Variants in DNAH6 observed in about 807,000 individuals in gnomAD.
DNAH6 encodes the protein axonemal beta dynein heavy chain 6.
In DNAH6, 340 loss-of-function variants were observed where a neutral mutation model predicts 491.4. That is an observed-to-expected ratio of 0.69 (90% CI 0.63 to 0.76). DNAH6 has a LOEUF of 0.76. Ranked by LOEUF, DNAH6 falls within the 30% of genes least tolerant of loss-of-function variation. The probability of loss-of-function intolerance (pLI) is 0.00; values close to 1 mark genes in which losing one functional copy is unlikely to be tolerated. For synonymous variants in DNAH6, 1,603 were observed against 1,686.1 expected, an observed-to-expected ratio of 0.95 and a Z score of 1.21; for missense variants, 4,443 against 4,972.2, an observed-to-expected ratio of 0.89 and a Z score of 3.20.
At chr2:84,580,261 T>C (rs10496314) in intron 14 of DNAH6, among the ~76,000 whole-genome samples, 3,795 of 151,946 alleles carry the variant, frequency 0.025, 56 homozygotes, top group Middle Eastern at 0.1. Flanking sequence ...GGGACTCAAA[T>C]GATGCAGATG....
intron 4 of DNAH6, among the ~76,000 whole-genome samples, chr2:84,533,889 C>T (rs1677420554): frequency 6.6e-6 from 1 of 152,086 alleles, no homozygotes; most frequent in Non-Finnish European, 1.5e-5. Flanking sequence ...GTTCTAGTTA[C>T]ATGGTCTCAT....
At chr2:84,742,088 CTG>C (rs1672578133) in intron 62 of DNAH6, among the ~76,000 whole-genome samples, 1 of 152,216 alleles carries the variant, frequency 6.6e-6, no homozygotes, top group South Asian at 2.1e-4. Context: ...CCTGTTTGAA[CTG>C]TGAGTATCTG....
intron 18 of DNAH6, among the ~76,000 whole-genome samples, chr2:84,603,437 T>C (rs1685457136): frequency 6.6e-6 from 1 of 152,104 alleles, no homozygotes; most frequent in African/African-American, 2.4e-5. Flanking sequence ...TGACCTTGGG[T>C]CTTCCCTTTG....
At chr2:84,761,789 T>TACACAC (rs35707461) in intron 63 of DNAH6, among the ~76,000 whole-genome samples, 11,405 of 141,784 alleles carry the variant, frequency 0.08, 485 homozygotes, top group Middle Eastern at 0.13. Flanking sequence ...CACACACACA[T>TACACAC]ACACACACAC....
chr2:84,603,283 A>C (rs1396053300), intron 18 of DNAH6, among the ~76,000 whole-genome samples: 1 of 152,028 alleles, frequency 6.6e-6, no homozygotes, highest in Non-Finnish European at 1.5e-5. Context: ...CATTAAATCT[A>C]ATTAGGAATT....
At position 84,781,651 on chromosome 2, in the gene DNAH6, C is replaced by T. The variant is rs1676715421; in HGVS notation, c.10862C>T (p.Pro3621Leu). Residue 3621 changes from proline (P) to leucine (L), a missense_variant and splice_region_variant, in exon 65 of 77, where the codon CCA (proline) becomes CTA (leucine). Pro to Leu is a moderately conservative substitution (Grantham distance 98). This residue lies in a region of DNAH6 where 1,463 missense variants were observed against 1,656.6 expected (regional missense o/e 0.88). Coordinates refer to ENST00000389394, the MANE Select transcript of DNAH6 (RefSeq NM_001370.2). The part of the protein sequence containing the change: ...MEELIKTFTD[P>L]DSAIKDTFRL... ...GAGCTCATTAAAACCTTCACAGATC[C>T]AGGTATGTTGAGCATATAGCCCTTG... 3.9e-6 allele frequency: 6 copies of T among 1,551,316 alleles called. No homozygotes were observed. The East Asian group carries it at 1.5e-4, about 38-fold the overall frequency.
chr2:84,571,787 C>G (rs997301528), intron 11 of DNAH6, among the ~76,000 whole-genome samples: 1 of 150,752 alleles, frequency 6.6e-6, no homozygotes, highest in Non-Finnish European at 1.5e-5. Context: ...AGCGTGGTGG[C>G]GGGCGCCTGT....
At chr2:84,704,381 T>C in intron 51 of DNAH6, 79 bp downstream of exon 51, 1 of 1,040,504 alleles carries the variant, frequency 9.6e-7, no homozygotes. Flanking sequence ...AATGTATATA[T>C]TCATTCCCTT....
At chr2:84,748,063 C>T (rs1673132952) in intron 63 of DNAH6, among the ~76,000 whole-genome samples, 2 of 152,188 alleles carry the variant, frequency 1.3e-5, no homozygotes, top group Admixed American at 1.3e-4. Flanking sequence ...TCTGGACCTG[C>T]AATGGAAGGG....
chr2:84,744,934 G>C, intron 62 of DNAH6, 146 bp from the exon 63 acceptor site: 1 of 448,732 alleles, frequency 2.2e-6, no homozygotes, highest in East Asian at 3.6e-5. Context: ...ATTAGGTTGG[G>C]TAGCAGGGGA....
intron 30 of DNAH6, among the ~76,000 whole-genome samples, chr2:84,636,887 C>T (rs1162112128): frequency 1.4e-5 from 2 of 145,924 alleles, no homozygotes; most frequent in Admixed American, 6.7e-5. Context: ...AAAGCAAGAC[C>T]CTGTCTCAAA....
chr2:84,620,690 C>A (rs1186101956), intron 24 of DNAH6, among the ~76,000 whole-genome samples: 1 of 152,126 alleles, frequency 6.6e-6, no homozygotes, highest in Non-Finnish European at 1.5e-5. Flanking sequence ...TTGCTCATCA[C>A]TGGTGCAGAA....
intron 62 of DNAH6, among the ~76,000 whole-genome samples, chr2:84,742,166 C>T (rs188305811): frequency 7.2e-5 from 11 of 152,280 alleles, no homozygotes; most frequent in Admixed American, 1.3e-4. Context: ...GCCATCCTGA[C>T]CTAAAACCTC....
chr2:84,781,501 C>T lies in DNAH6; in HGVS notation c.10712C>T (p.Ser3571Leu). Reference protein sequence around the residue: ...RESGYSERVQSISLGQGQGPI... With the variant: ...RESGYSERVQLISLGQGQGPI... Reference sequence around the variant, plus strand: ...CTTGCTGTTCAATTCAGGGTGCAGTCAATTTCACTGGGGCAAGGACAAGGA... The same window carrying T: ...CTTGCTGTTCAATTCAGGGTGCAGTTAATTTCACTGGGGCAAGGACAAGGA... The change falls in exon 65 of 77, where the codon TCA (serine) becomes TTA (leucine). Residue 3571 changes from serine (S) to leucine (L), a missense_variant. Ser to Leu is a moderately radical substitution (Grantham distance 145). Transcript: ENST00000389394. The T allele has an allele frequency of 6.5e-7, 1 of 1,549,058 alleles. No individual in the cohort carries two copies. The highest frequency in any genetic ancestry group is 1.4e-5 in the African/African-American group (1 of 73,078).
the DNAH6 span, among the ~76,000 whole-genome samples, chr2:84,511,125 G>A: frequency 2.0e-5 from 3 of 152,220 alleles, no homozygotes; most frequent in East Asian, 5.8e-4. Context: ...ATTTAAGTCT[G>A]CAGAGGATTC....
intron 31 of DNAH6, 81 bp downstream of exon 31, chr2:84,637,458 T>G: frequency 7.2e-7 from 1 of 1,395,456 alleles, no homozygotes; most frequent in Non-Finnish European, 9.5e-7. Context: ...GTAGAAAGTT[T>G]CCTTTATGAA....
Position 84,702,703 on chromosome 2 carries a change from C to T in DNAH6, c.8062-692C>T, listed in dbSNP as rs112997623. Among the ~76,000 whole-genome samples, 783 of 151,980 alleles carry T rather than the reference C, an allele frequency of 5.2e-3. 6 individuals are homozygous for T. The highest frequency in any genetic ancestry group is 0.016 in the African/African-American group (663 of 41,452). The stretch of plus-strand genomic sequence containing the variant: ...GACTATAGTCAACCGCCACCACGCC[C>T]GACTAATTTTTTGTATTTTTAGTAG... On this transcript the variant is annotated intron_variant, in intron 49 of 76. Coordinates refer to ENST00000389394, the MANE Select transcript of DNAH6 (RefSeq NM_001370.2).
chr2:84,617,545 CT>C (rs1287434042), intron 23 of DNAH6, among the ~76,000 whole-genome samples: 1 of 151,960 alleles, frequency 6.6e-6, no homozygotes, highest in African/African-American at 2.4e-5. Flanking sequence ...AGCCCCAACC[CT>C]TCCACTACCC....
At chr2:84,529,191 T>G in intron 4 of DNAH6, 25 bp downstream of exon 4, 1 of 1,472,634 alleles carries the variant, frequency 6.8e-7, no homozygotes, top group Non-Finnish European at 9.2e-7. Context: ...ATGATGCAAT[T>G]TAACATAAAA....
Sources: allele counts gnomAD v4.1 joint callset (sites outside exome capture counted in the v4.1 genomes callset), GRCh38; gene constraint gnomAD v4.1.1; regional missense constraint gnomAD v4.1.1; transcripts MANE v1.5; gene names NCBI Gene and HGNC (gene_info 2026-07-23, HGNC 2026-07-21).